Variants in USP6 observed in about 807,000 individuals in gnomAD.
The protein encoded by USP6 is ubiquitin specific peptidase 6.
USP6 carries 128 observed loss-of-function variants against 175.7 expected under a neutral mutation model. The ratio of observed to expected loss-of-function variants is 0.73; its 90% CI spans 0.63 to 0.84. The LOEUF (loss-of-function observed/expected upper bound fraction) is 0.84. Among genes scored for constraint, USP6 ranks in the 40% least tolerant of loss-of-function variants. The pLI is 0.00. For synonymous variants in USP6, 562 were observed against 630.6 expected (o/e 0.89, Z 1.63); for missense variants, 1,498 against 1,760.3 (o/e 0.85, Z 2.67).
intron 33 of USP6, 62 bp downstream of exon 33, chr17:5,163,066 C>T: frequency 3.4e-6 from 5 of 1,489,882 alleles, no homozygotes; most frequent in Non-Finnish European, 4.4e-6. Flanking sequence ...CCCAGTGTAA[C>T]TATTATGCCA....
intron 25 of USP6, among the ~76,000 whole-genome samples, chr17:5,143,066 C>T (rs1344297265): frequency 6.6e-6 from 1 of 152,202 alleles, no homozygotes; most frequent in East Asian, 1.9e-4. Context: ...CCAGCCGCCC[C>T]ATCCGGGAGG....
chr17:5,128,489 C>T (rs766089351), intron 7 of USP6: 15 of 152,304 alleles, frequency 9.8e-5, no homozygotes, highest in Non-Finnish European at 2.1e-4. Context: ...CAGGACCACC[C>T]TGGGCGGGGA....
chr17:5,173,891 C>A lies in USP6; in HGVS notation c.*913C>A. On this transcript the variant is annotated 3_prime_UTR_variant, in exon 38 of 38. Transcript: ENST00000574788. Reference sequence around the variant, plus strand: ...GGCATCGGAGCTAGATCACGTTTCACAATTAGTGGTTATTCTTTTCTGTGT... The same window carrying A: ...GGCATCGGAGCTAGATCACGTTTCAAAATTAGTGGTTATTCTTTTCTGTGT... 1 of 222,652 alleles carries A rather than the reference C, an allele frequency of 4.5e-6. No individual in the cohort carries two copies. Among genetic ancestry groups the A allele is most frequent in the Non-Finnish European group, 9.0e-6 (1 of 111,140 alleles). 13.8% of individuals were successfully genotyped at this position (222,652 alleles called of 1,614,324 possible). A position where few individuals can be genotyped will look rare whatever the true frequency, so the allele number is the denominator to read the frequency against.
chr17:5,155,331 G>T, intron 30 of USP6, 91 bp from the exon 31 acceptor site: 1 of 1,406,260 alleles, frequency 7.1e-7, no homozygotes, highest in South Asian at 1.2e-5. Context: ...TTGAAATGGT[G>T]ATAATGCCTA....
Position 5,136,624 on chromosome 17 carries a change from G to T in USP6, c.665-16G>T, listed in dbSNP as rs1598012860. 2 of 1,611,032 alleles carry T rather than the reference G, an allele frequency of 1.2e-6. No homozygotes were observed. Among genetic ancestry groups the T allele is most frequent in the East Asian group, 4.5e-5 (2 of 44,872 alleles). On this transcript the variant is annotated splice_polypyrimidine_tract_variant and intron_variant, in intron 17 of 37. Coordinates refer to ENST00000574788, the MANE Select transcript of USP6 (RefSeq NM_001304284.2). ...GGGGAAGGCTCTGATTTCATGATGG[G>T]CTGGGGGCTTCTCAGGATTCCACAG... is the stretch of plus-strand genomic sequence containing the variant.
Position 5,132,254 on chromosome 17 carries a change from G to C in USP6, c.156-142G>C. 6.2e-7 allele frequency: 1 copy of C among 1,600,482 alleles called. No homozygotes were observed. Reference sequence around the variant, plus strand: ...GAGTCAGAGCCACAGGAAGGCCCTTGTCCTCCCTTCCCTGTGCCTTCTCCC... The same window carrying C: ...GAGTCAGAGCCACAGGAAGGCCCTTCTCCTCCCTTCCCTGTGCCTTCTCCC... On this transcript the variant is annotated intron_variant, in intron 11 of 37. Transcript: ENST00000574788. This position sits in a 1 kb window ranked among gnomAD's most constrained non-coding sequence, Gnocchi z 4.7.
chr17:5,128,828 T>C (rs1473743075), intron 7 of USP6, 124 bp from the exon 8 acceptor site: 1 of 152,668 alleles, frequency 6.6e-6, no homozygotes, highest in Non-Finnish European at 1.5e-5. Flanking sequence ...CTACGGCAGT[T>C]ACACACACGC....
chr17:5,168,151 G>A (rs1296099079), intron 34 of USP6, 28 bp downstream of exon 34: 5 of 1,548,448 alleles, frequency 3.2e-6, no homozygotes, highest in Non-Finnish European at 4.4e-6. Context: ...CTCTGAGAGA[G>A]CAGGAATCTA....
At chr17:5,117,283 C>T (rs1203208640) in intron 1 of USP6, among the ~76,000 whole-genome samples, 1 of 152,066 alleles carries the variant, frequency 6.6e-6, no homozygotes, top group Non-Finnish European at 1.5e-5. Flanking sequence ...TTTGGGAGGC[C>T]GAGGCGGGTG....
chr17:5,139,732 C>T, intron 22 of USP6, 58 bp downstream of exon 22: 2 of 1,597,800 alleles, frequency 1.3e-6, no homozygotes, highest in Non-Finnish European at 1.7e-6. Flanking sequence ...CCCGGCCCTG[C>T]AGTGCACCCA....
chr17:5,123,883 T>G (rs1204750495), intron 4 of USP6, among the ~76,000 whole-genome samples: 1 of 150,526 alleles, frequency 6.6e-6, no homozygotes, highest in Non-Finnish European at 1.5e-5. Context: ...TAATGCATGC[T>G]CGCGCGCAAG....
intron 11 of USP6, among the ~76,000 whole-genome samples, chr17:5,131,527 G>A (rs566058001): frequency 1.3e-5 from 2 of 150,508 alleles, no homozygotes; most frequent in East Asian, 4.0e-4. Flanking sequence ...ACCTACCCCT[G>A]TTCTCCCCCA....
chr17:5,123,666 C>T (rs1253595693), intron 4 of USP6, among the ~76,000 whole-genome samples: 1 of 152,206 alleles, frequency 6.6e-6, no homozygotes, highest in Non-Finnish European at 1.5e-5. Flanking sequence ...CGCATACTCA[C>T]ACGTTCCTGC....
Position 5,145,708 on chromosome 17 carries a change from C to T in USP6, c.2167+129C>T, listed in dbSNP as rs2073587912. 12 of 1,286,956 alleles carry T rather than the reference C, an allele frequency of 9.3e-6. No individual in the cohort carries two copies. The South Asian group carries it at 2.5e-4, about 26-fold the overall frequency. The allele number at this position is 1,286,956 out of a possible 1,614,324, so 79.7% of individuals were successfully genotyped here. A position where few individuals can be genotyped will look rare whatever the true frequency, so the allele number is the denominator to read the frequency against. On this transcript the variant is annotated intron_variant, in intron 27 of 37. Transcript: ENST00000574788. ...TAGTCAGCATATTATAATCGAGCAA[C>T]CTAATTTTAGGCATGACTTGAGGTT...
chr17:5,172,943 G>A lies in USP6; in HGVS notation c.4186G>A (p.Glu1396Lys), dbSNP rs1407274432. ...ADTSSTDEDS[E>K]SDYEKYSMLQ ...CACAAGCAGTACGGATGAAGACTCT[G>A]AGTCTGATTACGAAAAGTACTCTAT... Residue 1396 changes from glutamate to lysine, a missense_variant, in exon 38 of 38, where the codon GAG (glutamate) becomes AAG (lysine). Glu to Lys is a moderately conservative substitution (Grantham distance 56). Around this residue, in one of 2 missense-constraint regions of USP6, gnomAD observed 1,217 missense variants for 1,500.8 expected, o/e 0.81. Coordinates refer to ENST00000574788, the MANE Select transcript of USP6 (RefSeq NM_001304284.2). 6.2e-7 allele frequency: 1 copy of A among 1,613,842 alleles called. No homozygotes were observed. The highest frequency in any genetic ancestry group is 2.2e-5 in the East Asian group (1 of 44,894).
chr17:5,146,974 T>C (rs2073629552), intron 28 of USP6, 109 bp from the exon 29 acceptor site: 2 of 1,147,830 alleles, frequency 1.7e-6, no homozygotes, highest in Admixed American at 3.0e-5. Flanking sequence ...ATCTCGTTGG[T>C]TTTATGGATG....
intron 37 of USP6, 33 bp from the exon 38 acceptor site, chr17:5,172,772 G>A (rs1272420168): frequency 3.1e-6 from 5 of 1,610,904 alleles, no homozygotes; most frequent in Non-Finnish European, 4.2e-6. Flanking sequence ...AATAGTGATG[G>A]CTTTTTGTTA....
At chr17:5,131,118 C>A (rs555327457) in intron 11 of USP6, among the ~76,000 whole-genome samples, 1 of 152,256 alleles carries the variant, frequency 6.6e-6, no homozygotes, top group East Asian at 1.9e-4. Flanking sequence ...TGTCCTCCTC[C>A]ATTTCCCTAG....
intron 28 of USP6, 23 bp from the exon 29 acceptor site, chr17:5,147,060 T>A (rs1209406653): frequency 1.3e-6 from 2 of 1,594,524 alleles, no homozygotes; most frequent in Non-Finnish European, 1.7e-6. Flanking sequence ...CTCCCCCTTC[T>A]CATCTTGCTG....
Sources: allele counts gnomAD v4.1 joint callset (sites outside exome capture counted in the v4.1 genomes callset), GRCh38; gene constraint gnomAD v4.1.1; regional missense constraint gnomAD v4.1.1; non-coding constraint Gnocchi (gnomAD v3.1); transcripts MANE v1.5; gene names NCBI Gene and HGNC (gene_info 2026-07-23, HGNC 2026-07-21).